The following LEPROT variants were observed in gnomAD, a reference collection of about 807,000 sequenced individuals.
LEPROT encodes leptin receptor overlapping transcript, also known as leptin receptor gene-related protein.
A neutral mutation model predicts 15.4 loss-of-function variants in LEPROT; 3 were observed. The ratio of observed to expected loss-of-function variants is 0.19; its 90% confidence interval spans 0.09 to 0.50. The LOEUF is 0.50. Among genes scored for constraint, LEPROT ranks in the 20% least tolerant of loss-of-function variants. The probability of loss-of-function intolerance (pLI) is 0.97; values close to 1 mark genes in which losing one functional copy is unlikely to be tolerated. For missense variants in LEPROT, 137 were observed against 162.2 expected (o/e 0.84, Z 0.84); for synonymous variants, 59 against 57.5 (o/e 1.03, Z -0.12).
At chr1:65,424,955 C>G (rs1646330214) in intron 1 of LEPROT, among the ~76,000 whole-genome samples, 1 of 152,190 alleles carries the variant, frequency 6.6e-6, no homozygotes, top group African/African-American at 2.4e-5. Context: ...GAAAGGGACA[C>G]ACATAATGCA....
chr1:65,432,808 T>C lies in LEPROT; in HGVS notation c.*889T>C. ...TTCAATATTGCTAAGAGAGTAAATTTCTAATGTTCTCATAAAAAAGTTAAA... is the reference window on the plus strand; with the variant it reads ...TTCAATATTGCTAAGAGAGTAAATTCCTAATGTTCTCATAAAAAAGTTAAA... On this transcript the variant is annotated 3_prime_UTR_variant, in exon 4 of 4. Coordinates refer to ENST00000371065, the MANE Select transcript of LEPROT (RefSeq NM_017526.5). 1 of 540,576 alleles carries C rather than the reference T, an allele frequency of 1.8e-6. No individual in the cohort carries two copies. The highest frequency in any genetic ancestry group is 2.4e-6 in the Non-Finnish European group (1 of 424,094). 33.5% of individuals were successfully genotyped at this position (540,576 alleles called of 1,614,324 possible).
In LEPROT at chr1:65,433,999, A is replaced by G; in HGVS notation, c.*2080A>G. ...AGCTTTTCTTTCTAAGATGGCAATAATGATTCATTTCTACTACATTTTGCA... is the reference window on the plus strand; with the variant it reads ...AGCTTTTCTTTCTAAGATGGCAATAGTGATTCATTTCTACTACATTTTGCA... On this transcript the variant is annotated 3_prime_UTR_variant, in exon 4 of 4. Coordinates refer to ENST00000371065, the MANE Select transcript of LEPROT (RefSeq NM_017526.5). 1 of 985,352 alleles carries G rather than the reference A, an allele frequency of 1.0e-6. No individual in the cohort carries two copies. Among genetic ancestry groups the G allele is most frequent in the African/African-American group, 1.7e-5 (1 of 57,364 alleles). 61.0% of individuals were successfully genotyped at this position (985,352 alleles called of 1,614,324 possible).
rs1646495637 is a variant in LEPROT at position 65,432,228 on chromosome 1, C to T, written c.*309C>T. 2 of 1,020,602 alleles carry T rather than the reference C, an allele frequency of 2.0e-6. No individual in the cohort carries two copies. Among genetic ancestry groups the T allele is most frequent in the Non-Finnish European group, 2.3e-6 (2 of 852,496 alleles). 63.2% of individuals were successfully genotyped at this position (1,020,602 alleles called of 1,614,324 possible). A position where few individuals can be genotyped will look rare whatever the true frequency, so the allele number is the denominator to read the frequency against. The stretch of plus-strand genomic sequence containing the variant: ...TGCCACCTTATGCAGTGCATCGAAA[C>T]CTTTTGCTTGGGGATGTGCTTGGAG... On this transcript the variant is annotated 3_prime_UTR_variant, in exon 4 of 4. Transcript: ENST00000371065.
At position 65,434,584 on chromosome 1, in the gene LEPROT, C is replaced by A. The variant is rs1646533176; in HGVS notation, c.*2665C>A. On this transcript the variant is annotated 3_prime_UTR_variant, in exon 4 of 4. Transcript: ENST00000371065. The stretch of plus-strand genomic sequence containing the variant: ...TACCTAACCTGTGATACTGAAGGTG[C>A]CTGCCTGAGTTTTGGGTCTCTGAGA... The A allele has an allele frequency of 1.3e-5, 13 of 985,304 alleles. No individual in the cohort carries two copies. Among genetic ancestry groups the A allele is most frequent in the Non-Finnish European group, 1.6e-5 (13 of 829,964 alleles). 61.0% of individuals were successfully genotyped at this position (985,304 alleles called of 1,614,324 possible).
At chr1:65,424,361 AAAG>A (rs1456913098) in intron 1 of LEPROT, among the ~76,000 whole-genome samples, 1 of 152,234 alleles carries the variant, frequency 6.6e-6, no homozygotes, top group African/African-American at 2.4e-5. Flanking sequence ...GATATAATTT[AAAG>A]AAGGAGGGCT....
At chr1:65,424,503 T>G (rs1646318200) in intron 1 of LEPROT, among the ~76,000 whole-genome samples, 1 of 152,052 alleles carries the variant, frequency 6.6e-6, no homozygotes, top group Non-Finnish European at 1.5e-5. Flanking sequence ...ATCCATTGGA[T>G]AGGGGTTAGG....
chr1:65,432,479 A>G lies in LEPROT; in HGVS notation c.*560A>G. The G allele has an allele frequency of 1.7e-6, 1 of 592,534 alleles. No homozygotes were observed. Among genetic ancestry groups the G allele is most frequent in the Non-Finnish European group, 2.1e-6 (1 of 470,904 alleles). The allele number at this position is 592,534 out of a possible 1,614,324, so 36.7% of individuals were successfully genotyped here. ...ACATGAAAGTTTGAGAAGCATCATC[A>G]TAGAGAAGTAAACATCACACCCAAC... is the stretch of plus-strand genomic sequence containing the variant. On this transcript the variant is annotated 3_prime_UTR_variant, in exon 4 of 4. Coordinates refer to ENST00000371065, the MANE Select transcript of LEPROT (RefSeq NM_017526.5).
rs60757318 is a variant in LEPROT at position 65,435,366 on chromosome 1, C to CTTTTTTTTTTT, written c.*3456_*3466dup. The stretch of plus-strand genomic sequence containing the variant: ...TGTCACAAAATGTGCCTTTTCTTTT[C>CTTTTTTTTTTT]TTTTTTTTTTTTTTTTTTTGAGGCA... On this transcript the variant is annotated 3_prime_UTR_variant, in exon 4 of 4. Transcript: ENST00000371065. 14 of 726,186 alleles carry CTTTTTTTTTTT rather than the reference C, an allele frequency of 1.9e-5. No individual in the cohort carries two copies. Among genetic ancestry groups the CTTTTTTTTTTT allele is most frequent in the African/African-American group, 7.4e-5 (3 of 40,550 alleles). 45.0% of individuals were successfully genotyped at this position (726,186 alleles called of 1,614,324 possible). A position where few individuals can be genotyped will look rare whatever the true frequency, so the allele number is the denominator to read the frequency against.
intron 1 of LEPROT, among the ~76,000 whole-genome samples, chr1:65,423,231 G>A (rs183879797): frequency 2.0e-5 from 3 of 152,256 alleles, no homozygotes; most frequent in Admixed American, 2.0e-4. Flanking sequence ...CATCAGTTGC[G>A]GCCGGGCCCT....
In LEPROT at chr1:65,432,910, A is replaced by G; in HGVS notation, c.*991A>G. The G allele has an allele frequency of 6.5e-6, 6 of 926,720 alleles. No individual in the cohort carries two copies. Among genetic ancestry groups the G allele is most frequent in the Non-Finnish European group, 7.7e-6 (6 of 776,498 alleles). The allele number at this position is 926,720 out of a possible 1,614,324, so 57.4% of individuals were successfully genotyped here. A position where few individuals can be genotyped will look rare whatever the true frequency, so the allele number is the denominator to read the frequency against. On this transcript the variant is annotated 3_prime_UTR_variant, in exon 4 of 4. Coordinates refer to ENST00000371065, the MANE Select transcript of LEPROT (RefSeq NM_017526.5). ...ATCATAAAACCGTATTGTACCCTAT[A>G]AAAATATACAATAATTTGTCAATAT...
At chr1:65,428,622 G>T (rs564539953) in intron 2 of LEPROT, among the ~76,000 whole-genome samples, 37 of 152,204 alleles carry the variant, frequency 2.4e-4, no homozygotes, top group African/African-American at 7.0e-4. Flanking sequence ...CATTAGTGTG[G>T]CTTCATCCCA....
Position 65,434,414 on chromosome 1 carries a change from A to G in LEPROT, c.*2495A>G, listed in dbSNP as rs1646530428. 3 of 985,280 alleles carry G rather than the reference A, an allele frequency of 3.0e-6. No homozygotes were observed. In the African/African-American group the frequency reaches 5.2e-5, roughly 17 times the overall value. The allele number at this position is 985,280 out of a possible 1,614,324, so 61.0% of individuals were successfully genotyped here. Reference sequence around the variant, plus strand: ...TGCACTTCCAAAATTGGCCACAAGTAAATAATCTTATGAAGGGATTCTTTA... The same window carrying G: ...TGCACTTCCAAAATTGGCCACAAGTGAATAATCTTATGAAGGGATTCTTTA... On this transcript the variant is annotated 3_prime_UTR_variant, in exon 4 of 4. Coordinates refer to ENST00000371065, the MANE Select transcript of LEPROT (RefSeq NM_017526.5).
Position 65,435,188 on chromosome 1 carries a change from C to G in LEPROT, c.*3269C>G. Reference sequence around the variant, plus strand: ...CTGGTCCTGCTTTTCATAGTTGTTTCTTTTCTTCCACTTAAGAACTCATAG... The same window carrying G: ...CTGGTCCTGCTTTTCATAGTTGTTTGTTTTCTTCCACTTAAGAACTCATAG... On this transcript the variant is annotated 3_prime_UTR_variant, in exon 4 of 4. Coordinates refer to ENST00000371065, the MANE Select transcript of LEPROT (RefSeq NM_017526.5). The G allele has an allele frequency of 1.0e-6, 1 of 985,368 alleles. No individual in the cohort carries two copies. Among genetic ancestry groups the G allele is most frequent in the African/African-American group, 1.7e-5 (1 of 57,332 alleles). The allele number at this position is 985,368 out of a possible 1,614,324, so 61.0% of individuals were successfully genotyped here. A position where few individuals can be genotyped will look rare whatever the true frequency, so the allele number is the denominator to read the frequency against.
chr1:65,432,946 T>G lies in LEPROT; in HGVS notation c.*1027T>G, dbSNP rs1646507088. ...ATAATTTGTCAATATATAATCAAAA[T>G]AAAAAACAAAACATACTCTCTCCCC... On this transcript the variant is annotated 3_prime_UTR_variant, in exon 4 of 4. Coordinates refer to ENST00000371065, the MANE Select transcript of LEPROT (RefSeq NM_017526.5). 2.0e-6 allele frequency: 2 copies of G among 983,908 alleles called. No homozygotes were observed. Among genetic ancestry groups the G allele is most frequent in the South Asian group, 4.7e-5 (1 of 21,258 alleles). 60.9% of individuals were successfully genotyped at this position (983,908 alleles called of 1,614,324 possible).
rs1161553084 is a variant in LEPROT, at chr1:65,433,009, C to G, written c.*1090C>G. ...TCAGTGGGGAACAGATGTATCTTTTCATCTGAAAGACAATGCTGGGGGAAG... is the reference window on the plus strand; with the variant it reads ...TCAGTGGGGAACAGATGTATCTTTTGATCTGAAAGACAATGCTGGGGGAAG... On this transcript the variant is annotated 3_prime_UTR_variant, in exon 4 of 4. Coordinates refer to ENST00000371065, the MANE Select transcript of LEPROT (RefSeq NM_017526.5). The G allele has an allele frequency of 3.6e-5, 35 of 985,286 alleles. No homozygotes were observed. Among genetic ancestry groups the G allele is most frequent in the Non-Finnish European group, 4.0e-5 (33 of 829,932 alleles). 61.0% of individuals were successfully genotyped at this position (985,286 alleles called of 1,614,324 possible). A position where few individuals can be genotyped will look rare whatever the true frequency, so the allele number is the denominator to read the frequency against.
chr1:65,428,655 T>TG (rs1195358353), intron 2 of LEPROT, among the ~76,000 whole-genome samples: 1 of 152,174 alleles, frequency 6.6e-6, no homozygotes, highest in Non-Finnish European at 1.5e-5. Context: ...AGGTGCTGTC[T>TG]GGGCGTATCT....
intron 1 of LEPROT, among the ~76,000 whole-genome samples, chr1:65,421,875 G>C (rs1646258061): frequency 6.6e-6 from 1 of 152,208 alleles, no homozygotes; most frequent in Non-Finnish European, 1.5e-5. Context: ...GAAAAAAAAG[G>C]AAGTCTGAAA....
chr1:65,430,924 G>A (rs1201672791), intron 3 of LEPROT, among the ~76,000 whole-genome samples: 4 of 152,156 alleles, frequency 2.6e-5, no homozygotes, highest in African/African-American at 9.7e-5. Flanking sequence ...CATTTGTATT[G>A]AGGTAGGATG....
rs375637482 is a variant in LEPROT at position 65,433,094 on chromosome 1, G to T, written c.*1175G>T. 1.0e-6 allele frequency: 1 copy of T among 985,386 alleles called. No individual in the cohort carries two copies. The highest frequency in any genetic ancestry group is 4.7e-5 in the South Asian group (1 of 21,280). 61.0% of individuals were successfully genotyped at this position (985,386 alleles called of 1,614,324 possible). A position where few individuals can be genotyped will look rare whatever the true frequency, so the allele number is the denominator to read the frequency against. On this transcript the variant is annotated 3_prime_UTR_variant, in exon 4 of 4. Coordinates refer to ENST00000371065, the MANE Select transcript of LEPROT (RefSeq NM_017526.5). ...CGAGCCAGCCCCTGCGTTAGCAGGA[G>T]GGGGAGAACAGATAGGTAACTCTTT...
Sources: allele counts gnomAD v4.1 joint callset (sites outside exome capture counted in the v4.1 genomes callset), GRCh38; gene constraint gnomAD v4.1.1; transcripts MANE v1.5; gene names NCBI Gene and HGNC (gene_info 2026-07-23, HGNC 2026-07-21).